The following SHLD1 variants were observed in gnomAD, a reference collection of about 807,000 sequenced individuals.
SHLD1 encodes RINN1-REV7-interacting novel NHEJ regulator 3.
In SHLD1, 3 loss-of-function variants were observed where a neutral mutation model predicts 5.5. The observed-to-expected ratio is 0.54, with a 90% confidence interval of 0.25 to 1.40. The LOEUF (loss-of-function observed/expected upper bound fraction) is 1.40, where lower values mean the gene tolerates loss of function less well. SHLD1 is among the 40% of genes most tolerant of loss of function. The pLI is 0.15. For synonymous variants in SHLD1, 92 were observed against 94.3 expected, an observed-to-expected ratio of 0.98 and a Z score of 0.14; for missense variants, 210 against 244.4, an observed-to-expected ratio of 0.86 and a Z score of 0.94.
chr20:5,764,161 T>TA (rs1347946932), intron 1 of SHLD1, among the ~76,000 whole-genome samples: 1 of 77,608 alleles, frequency 1.3e-5, no homozygotes, highest in East Asian at 3.2e-4. Context: ...TTTATATTTA[T>TA]ATATATATAT....
chr20:5,789,576 TAAA>T (rs58405557), intron 2 of SHLD1, among the ~76,000 whole-genome samples: 37,284 of 113,202 alleles, frequency 0.33, 4,747 homozygotes, highest in Middle Eastern at 0.42. Flanking sequence ...AAACTTGATC[TAAA>T]AAAAAAAAAA....
intron 2 of SHLD1, among the ~76,000 whole-genome samples, chr20:5,791,384 C>T (rs748475772): frequency 6.6e-6 from 1 of 151,604 alleles, no homozygotes; most frequent in African/African-American, 2.4e-5. Context: ...GGTAACATGG[C>T]GAAACCTCGT....
At chr20:5,798,584 A>G (rs112248482) in intron 2 of SHLD1, among the ~76,000 whole-genome samples, 1,750 of 141,552 alleles carry the variant, frequency 0.012, 27 homozygotes, top group African/African-American at 0.043. Flanking sequence ...TTACAGGCGT[A>G]AGCCACTGCG....
intron 1 of SHLD1, among the ~76,000 whole-genome samples, chr20:5,760,576 C>T (rs6053659): frequency 0.024 from 3,633 of 152,078 alleles, 142 homozygotes; most frequent in African/African-American, 0.083. Context: ...ACCTGTAGTC[C>T]TGGCTATCCG....
At chr20:5,835,232 T>C (rs139110336) in intron 2 of SHLD1, among the ~76,000 whole-genome samples, 1 of 152,344 alleles carries the variant, frequency 6.6e-6, no homozygotes, top group African/African-American at 2.4e-5. Flanking sequence ...ACTATCTAGC[T>C]TTCCAGATTC....
At chr20:5,821,801 G>A (rs1471984475) in intron 2 of SHLD1, among the ~76,000 whole-genome samples, 3 of 152,154 alleles carry the variant, frequency 2.0e-5, no homozygotes, top group Non-Finnish European at 4.4e-5. Context: ...TTCTCCACAT[G>A]GGCCTCTCCC....
At chr20:5,803,978 T>G (rs139851299) in intron 2 of SHLD1, among the ~76,000 whole-genome samples, 73 of 151,278 alleles carry the variant, frequency 4.8e-4, no homozygotes, top group African/African-American at 1.7e-3. Context: ...GCCCCTTCGA[T>G]CATTAAGGAA....
At chr20:5,797,477 G>A (rs966798937) in intron 2 of SHLD1, among the ~76,000 whole-genome samples, 11 of 152,138 alleles carry the variant, frequency 7.2e-5, no homozygotes, top group South Asian at 2.1e-4. Flanking sequence ...TGGGAGGATT[G>A]CTTGAGTCCT....
intron 2 of SHLD1, among the ~76,000 whole-genome samples, chr20:5,790,089 T>G (rs2087117031): frequency 6.6e-6 from 1 of 152,312 alleles, no homozygotes; most frequent in Non-Finnish European, 1.5e-5. Flanking sequence ...ACAAATGATC[T>G]GGCCTGGGAA....
chr20:5,791,513 A>G (rs2103713), intron 2 of SHLD1, among the ~76,000 whole-genome samples: 133,734 of 146,924 alleles, frequency 0.91, 60,948 homozygotes, highest in East Asian at 1. Context: ...GCAGTGAGCC[A>G]TAATTGCACC....
chr20:5,756,094 C>T (rs1984078474), intron 1 of SHLD1, among the ~76,000 whole-genome samples: 1 of 152,004 alleles, frequency 6.6e-6, no homozygotes, highest in Non-Finnish European at 1.5e-5. Context: ...TCAGTTGTGC[C>T]TACACTTCGA....
At chr20:5,766,199 G>A (rs1365178434) in intron 1 of SHLD1, among the ~76,000 whole-genome samples, 1 of 152,106 alleles carries the variant, frequency 6.6e-6, no homozygotes, top group African/African-American at 2.4e-5. Context: ...GAAGGGGGAG[G>A]ACAGAGTTGC....
intron 2 of SHLD1, among the ~76,000 whole-genome samples, chr20:5,803,167 T>A (rs2087321621): frequency 6.6e-6 from 1 of 152,120 alleles, no homozygotes; most frequent in South Asian, 2.1e-4. Flanking sequence ...CTTTTTTTTT[T>A]CTTTTTCATT....
chr20:5,846,892 C>A, intron 2 of SHLD1, among the ~76,000 whole-genome samples: 1 of 152,174 alleles, frequency 6.6e-6, no homozygotes, highest in East Asian at 1.9e-4. Flanking sequence ...TGTTTTAAAA[C>A]AAGCCTCGGG....
At chr20:5,792,565 G>A (rs2122309430) in intron 2 of SHLD1, among the ~76,000 whole-genome samples, 1 of 151,976 alleles carries the variant, frequency 6.6e-6, no homozygotes, top group East Asian at 1.9e-4. Flanking sequence ...GATTACACGT[G>A]TGTGCCACCA....
At chr20:5,857,970 G>A (rs1408796912) in intron 2 of SHLD1, among the ~76,000 whole-genome samples, 1 of 152,022 alleles carries the variant, frequency 6.6e-6, no homozygotes, top group Non-Finnish European at 1.5e-5. Context: ...ATGGTGGCGG[G>A]TGCCTGTAGT....
intron 2 of SHLD1, among the ~76,000 whole-genome samples, chr20:5,814,588 G>A (rs1715120945): frequency 1.3e-5 from 2 of 151,022 alleles, no homozygotes; most frequent in African/African-American, 4.9e-5. Flanking sequence ...AACTTTTGAG[G>A]TAAAATTGCT....
At position 5,863,355 on chromosome 20, in the gene SHLD1, C is replaced by T. The variant is rs753634861; in HGVS notation, c.510C>T (p.Tyr170=). 2 of 1,614,208 alleles carry T rather than the reference C, an allele frequency of 1.2e-6. No homozygotes were observed. The highest frequency in any genetic ancestry group is 2.2e-5 in the East Asian group (1 of 44,890). ...GGCATTCCAGGGACACCCACTTCTA[C>T]CCACTGGAGGAAGGAAGTACATCTT... ...LQRHSRDTHF[Y]PLEEGSTSLD... The change falls in exon 3 of 3, where the codon TAC becomes TAT. Residue 170 remains tyrosine (Y), a synonymous_variant. Transcript: ENST00000303142.
intron 2 of SHLD1, among the ~76,000 whole-genome samples, chr20:5,840,657 C>A (rs2087846958): frequency 6.6e-6 from 1 of 152,162 alleles, no homozygotes; most frequent in African/African-American, 2.4e-5. Flanking sequence ...GGCAACAGCC[C>A]CTTTGGCCGT....
Sources: gnomAD v4.1 joint callset for allele counts (sites outside exome capture counted in the v4.1 genomes callset) on GRCh38, gnomAD v4.1.1 for gene constraint, MANE v1.5 for transcripts, NCBI Gene and HGNC (gene_info 2026-07-23, HGNC 2026-07-21) for gene names.